The following ENOSF1 variants were observed in gnomAD, a reference collection of about 807,000 sequenced individuals.
ENOSF1 encodes enolase superfamily member 1.
In ENOSF1, 73 loss-of-function variants were observed where a neutral mutation model predicts 68.2. The ratio of observed to expected loss-of-function variants is 1.07; its 90% CI spans 0.89 to 1.30. The LOEUF (loss-of-function observed/expected upper bound fraction) is 1.30, where lower values mean the gene tolerates loss of function less well. Among genes scored for constraint, ENOSF1 ranks in the 50% most tolerant of loss-of-function variants. The probability of loss-of-function intolerance (pLI) is 0.00; values close to 1 mark genes in which losing one functional copy is unlikely to be tolerated. For synonymous variants in ENOSF1, 223 were observed against 210.4 expected (o/e 1.06, Z -0.52); for missense variants, 589 against 554.5 (o/e 1.06, Z -0.62).
intron 1 of ENOSF1, chr18:707,529 TGAA>T: frequency 6.6e-6 from 1 of 152,306 alleles, no homozygotes; most frequent in East Asian, 1.9e-4. Flanking sequence ...TGGGGGAAAA[TGAA>T]GAAGTAAAGC....
chr18:696,998 T>G (rs951790958), intron 3 of ENOSF1, among the ~76,000 whole-genome samples: 1 of 152,010 alleles, frequency 6.6e-6, no homozygotes, highest in Non-Finnish European at 1.5e-5. Context: ...ATGCCTGTAG[T>G]CCCAGCTACT....
intron 2 of ENOSF1, 103 bp from the exon 3 acceptor site, chr18:697,458 A>T: frequency 1.0e-6 from 1 of 986,750 alleles, no homozygotes; most frequent in East Asian, 2.5e-5. Flanking sequence ...TTTATGAAAA[A>T]ATTAAATCTA....
At chr18:699,901 G>A (rs2078142163) in intron 2 of ENOSF1, among the ~76,000 whole-genome samples, 1 of 152,204 alleles carries the variant, frequency 6.6e-6, no homozygotes. Flanking sequence ...CCAACATGGT[G>A]AAACCCCATC....
At position 671,642 on chromosome 18, in the gene ENOSF1, C is replaced by CT. The variant is rs1365439802; in HGVS notation, c.*2662dup. The CT allele has an allele frequency of 4.2e-5, 26 of 615,480 alleles. No homozygotes were observed. Among genetic ancestry groups the CT allele is most frequent in the Non-Finnish European group, 2.9e-6 (1 of 350,214 alleles). 38.1% of individuals were successfully genotyped at this position (615,480 alleles called of 1,614,324 possible). On this transcript the variant is annotated 3_prime_UTR_variant, in exon 16 of 16. Transcript: ENST00000647584. The stretch of plus-strand genomic sequence containing the variant: ...GCATCTGCCTCAGCAACCATGGGCA[C>CT]TTAACATGTCAGGTGCTGTGAGGTA...
chr18:696,501 G>A (rs2741178), intron 3 of ENOSF1, among the ~76,000 whole-genome samples: 50,614 of 151,554 alleles, frequency 0.33, 8,683 homozygotes, highest in Admixed American at 0.37. Context: ...GTGAGCCACC[G>A]CGCCCGGCCT....
chr18:691,377 ACT>A (rs1285497275), intron 5 of ENOSF1, 101 bp from the exon 6 acceptor site: 38 of 973,764 alleles, frequency 3.9e-5, no homozygotes, highest in African/African-American at 1.8e-4. Flanking sequence ...ACAAGGTCTC[ACT>A]CTGTTGCCCA....
At chr18:707,937 G>A (rs2079108634) in intron 1 of ENOSF1, among the ~76,000 whole-genome samples, 1 of 151,810 alleles carries the variant, frequency 6.6e-6, no homozygotes, top group Non-Finnish European at 1.5e-5. Flanking sequence ...TTGGCTCACT[G>A]CAACCTCTGC....
chr18:669,398 A>C (rs2074938312), downstream of ENOSF1: 1 of 390,056 alleles, frequency 2.6e-6, no homozygotes, highest in East Asian at 4.0e-5. Flanking sequence ...TTTGAGACAG[A>C]GTTTTGCTCT....
At chr18:678,021 G>T in intron 12 of ENOSF1, 149 bp from the exon 13 acceptor site, 1 of 935,520 alleles carries the variant, frequency 1.1e-6, no homozygotes, top group Non-Finnish European at 1.5e-6. Context: ...TGTTCTCGCT[G>T]GGCATGAGGC....
intron 1 of ENOSF1, 175 bp downstream of exon 1, chr18:712,329 G>A (rs1448504280): frequency 3.3e-6 from 5 of 1,534,372 alleles, no homozygotes; most frequent in Admixed American, 2.0e-5. Context: ...TCGGCGGGGC[G>A]GGAGGGACCC....
At chr18:688,328 T>C (rs1048968930) in intron 9 of ENOSF1, 5 of 504,780 alleles carry the variant, frequency 9.9e-6, no homozygotes, top group African/African-American at 9.6e-5. Flanking sequence ...TCTAGGTTAG[T>C]GCCCGAAATA....
At chr18:684,181 G>C (rs950723551) in intron 10 of ENOSF1, among the ~76,000 whole-genome samples, 3 of 151,552 alleles carry the variant, frequency 2.0e-5, no homozygotes, top group Non-Finnish European at 4.4e-5. Flanking sequence ...ATTTTTAGTA[G>C]AGACGGGGTT....
Position 672,624 on chromosome 18 carries a change from C to A in ENOSF1, c.*1681G>T. The A allele has an allele frequency of 2.9e-6, 1 of 349,758 alleles. No homozygotes were observed. The highest frequency in any genetic ancestry group is 4.2e-5 in the Admixed American group (1 of 23,752). 21.7% of individuals were successfully genotyped at this position (349,758 alleles called of 1,614,324 possible). A position where few individuals can be genotyped will look rare whatever the true frequency, so the allele number is the denominator to read the frequency against. On this transcript the variant is annotated 3_prime_UTR_variant, in exon 16 of 16. Coordinates refer to ENST00000647584, the MANE Select transcript of ENOSF1 (RefSeq NM_017512.7). The stretch of plus-strand genomic sequence containing the variant: ...TAAGAACTTACACCTGATGAGGCAC[C>A]AGGCTCCTGATGCTGTGTAATGTCA...
At chr18:692,709 T>C in intron 5 of ENOSF1, 1 of 990,252 alleles carries the variant, frequency 1.0e-6, no homozygotes, top group Non-Finnish European at 1.2e-6. Context: ...GGCACATTTC[T>C]GGTGGCCTGC....
intron 8 of ENOSF1, among the ~76,000 whole-genome samples, 189 bp from the exon 9 acceptor site, chr18:688,797 T>C (rs1310838463): frequency 1.3e-5 from 2 of 152,228 alleles, no homozygotes; most frequent in African/African-American, 4.8e-5. Context: ...GTAGGGTGAC[T>C]TTCTTTCCTC....
chr18:680,851 T>TA (rs1821753186), intron 11 of ENOSF1, among the ~76,000 whole-genome samples: 1 of 150,958 alleles, frequency 6.6e-6, no homozygotes, highest in Non-Finnish European at 1.5e-5. Flanking sequence ...CTGCTAATTT[T>TA]TTTTTTTTTT....
At chr18:685,223 T>C (rs1366853732) in intron 10 of ENOSF1, among the ~76,000 whole-genome samples, 2 of 152,024 alleles carry the variant, frequency 1.3e-5, no homozygotes, top group African/African-American at 4.8e-5. Context: ...CAGGCTGATC[T>C]TGTACTCCTG....
At chr18:712,132 C>T (rs2079624845) in intron 1 of ENOSF1, among the ~76,000 whole-genome samples, 1 of 152,144 alleles carries the variant, frequency 6.6e-6, no homozygotes, top group African/African-American at 2.4e-5. Context: ...AAATGTGAGT[C>T]GTAAAAGTAA....
intron 10 of ENOSF1, 79 bp downstream of exon 10, chr18:685,842 T>C: frequency 8.7e-7 from 1 of 1,142,886 alleles, no homozygotes; most frequent in South Asian, 1.2e-5. Flanking sequence ...AAATTCCCAA[T>C]GTTCTTTAAT....
Sources: allele counts gnomAD v4.1 joint callset (sites outside exome capture counted in the v4.1 genomes callset), GRCh38; gene constraint gnomAD v4.1.1; transcripts MANE v1.5; gene names NCBI Gene and HGNC (gene_info 2026-07-23, HGNC 2026-07-21).